The following NRXN1 variants were observed in gnomAD, a reference collection of about 807,000 sequenced individuals.
NRXN1 encodes the protein neurexin-1.
NRXN1 carries 39 observed loss-of-function variants against 150.9 expected under a neutral mutation model. The observed-to-expected ratio is 0.26, with a 90% CI of 0.20 to 0.34. NRXN1 has a LOEUF of 0.34. Ranked by LOEUF, NRXN1 falls within the 10% of genes least tolerant of loss-of-function variation. NRXN1 has a pLI of 1.00. For missense variants in NRXN1, 1,815 were observed against 1,949.9 expected, an observed-to-expected ratio of 0.93 and a Z score of 1.30; for synonymous variants, 924 against 757.0, an observed-to-expected ratio of 1.22 and a Z score of -3.62.
intron 18 of NRXN1, among the ~76,000 whole-genome samples, chr2:50,149,914 C>A (rs540074975): frequency 6.6e-6 from 1 of 151,822 alleles, no homozygotes; most frequent in South Asian, 2.1e-4. Context: ...ATTTAACTCA[C>A]TGCCTGTATG....
At chr2:50,349,710 T>A (rs2078276685) in intron 17 of NRXN1, among the ~76,000 whole-genome samples, 1 of 152,200 alleles carries the variant, frequency 6.6e-6, no homozygotes, top group Admixed American at 6.5e-5. Context: ...AATGTTGGTG[T>A]TCTTTAAAAT....
At chr2:51,022,496 TTTA>T (rs1432607100) in intron 2 of NRXN1, among the ~76,000 whole-genome samples, 2 of 152,184 alleles carry the variant, frequency 1.3e-5, no homozygotes, top group Non-Finnish European at 2.9e-5. Flanking sequence ...TAACTCAGTT[TTTA>T]TTATTACCTC....
intron 17 of NRXN1, among the ~76,000 whole-genome samples, chr2:50,379,739 C>T (rs1436351102): frequency 6.6e-6 from 1 of 152,058 alleles, no homozygotes; most frequent in Non-Finnish European, 1.5e-5. Context: ...AGGAAATCTC[C>T]ACAAACAGTG....
chr2:50,135,564 G>A (rs62132540), intron 18 of NRXN1, among the ~76,000 whole-genome samples: 772 of 152,216 alleles, frequency 5.1e-3, no homozygotes, highest in African/African-American at 6.5e-3. Flanking sequence ...GGTGGCGGGC[G>A]CCTGTAGACC....
chr2:50,951,963 A>ATATTTTTTTTTT (rs1387961788), intron 2 of NRXN1, among the ~76,000 whole-genome samples: 1 of 74,822 alleles, frequency 1.3e-5, no homozygotes, highest in African/African-American at 5.6e-5. Context: ...ATATATATAT[A>ATATTTTTTTTTT]TTTTTTTTTT....
Position 50,982,600 on chromosome 2 carries a change from A to C in NRXN1, c.772+44902T>G, listed in dbSNP as rs896950261. Reference sequence around the variant, plus strand: ...TGAACTTCATCTTTCAGATACAACTAGAAGCATTTTTAACCCAAAGTTATC... The same window carrying C: ...TGAACTTCATCTTTCAGATACAACTCGAAGCATTTTTAACCCAAAGTTATC... On this transcript the variant is annotated intron_variant, in intron 2 of 22. Transcript: ENST00000401669. 4.6e-5 allele frequency among the ~76,000 whole-genome samples: 7 copies of C among 152,148 alleles called. No individual in the cohort carries two copies. The East Asian group carries it at 1.3e-3, about 29-fold the overall frequency.
chr2:50,697,427 A>C (rs1252316256), intron 5 of NRXN1, among the ~76,000 whole-genome samples: 1 of 152,242 alleles, frequency 6.6e-6, no homozygotes, highest in Non-Finnish European at 1.5e-5. Context: ...TTTCAAAGTG[A>C]AACTTGACAA....
chr2:50,547,054 T>C (rs2093510190), intron 9 of NRXN1, among the ~76,000 whole-genome samples: 1 of 152,218 alleles, frequency 6.6e-6, no homozygotes, highest in South Asian at 2.1e-4. Context: ...CATCAAACAG[T>C]GATTACTATA....
At position 50,347,491 on chromosome 2, in the gene NRXN1, C is replaced by A; in HGVS notation, c.3365-110521G>T. 1 of 1,075,266 alleles carries A rather than the reference C, an allele frequency of 9.3e-7. No individual in the cohort carries two copies. Among genetic ancestry groups the A allele is most frequent in the Non-Finnish European group, 1.1e-6 (1 of 882,880 alleles). 66.6% of individuals were successfully genotyped at this position (1,075,266 alleles called of 1,614,324 possible). A position where few individuals can be genotyped will look rare whatever the true frequency, so the allele number is the denominator to read the frequency against. On this transcript the variant is annotated intron_variant, in intron 17 of 22. Transcript: ENST00000401669. This position sits in a 1 kb window ranked among gnomAD's most constrained non-coding sequence, Gnocchi z 4.9. ...CAGACCCCATGGAATCCAGGCGCCC[C>A]TTCCCTCCATTCAGCCCCGGCCGGC... is the stretch of plus-strand genomic sequence containing the variant.
At position 50,983,550 on chromosome 2, in the gene NRXN1, G is replaced by A. The variant is rs566364146; in HGVS notation, c.772+43952C>T. 3.3e-5 allele frequency among the ~76,000 whole-genome samples: 5 copies of A among 152,158 alleles called. No individual in the cohort carries two copies. In the South Asian group the frequency reaches 1.0e-3, roughly 32 times the overall value. On this transcript the variant is annotated intron_variant, in intron 2 of 22. Coordinates refer to ENST00000401669, the MANE Select transcript of NRXN1 (RefSeq NM_001330078.2). ...TATACTAGGGATCTCTTCAAACACAGGACAGTTAACAAATTGTCAGTAACT... is the reference window on the plus strand; with the variant it reads ...TATACTAGGGATCTCTTCAAACACAAGACAGTTAACAAATTGTCAGTAACT...
chr2:50,613,019 G>A (rs1337975253), intron 8 of NRXN1, among the ~76,000 whole-genome samples: 2 of 152,070 alleles, frequency 1.3e-5, no homozygotes, highest in African/African-American at 4.8e-5. Flanking sequence ...ACTAGGCTGG[G>A]CCTATAACAA....
intron 2 of NRXN1, among the ~76,000 whole-genome samples, chr2:50,995,753 G>C (rs1699184457): frequency 6.6e-6 from 1 of 151,992 alleles, no homozygotes; most frequent in East Asian, 1.9e-4. Context: ...AATGCAACTG[G>C]AGACAAGTCT....
intron 19 of NRXN1, among the ~76,000 whole-genome samples, chr2:50,067,985 T>C (rs1695615908): frequency 6.6e-6 from 1 of 152,216 alleles, no homozygotes; most frequent in South Asian, 2.1e-4. Flanking sequence ...GTCTTCTTAA[T>C]ATTCAAATTG....
intron 18 of NRXN1, among the ~76,000 whole-genome samples, chr2:50,118,174 G>A (rs1703334714): frequency 6.6e-6 from 1 of 152,160 alleles, no homozygotes; most frequent in Admixed American, 6.6e-5. Flanking sequence ...AGGATTGTAA[G>A]GAAGAAATTC....
intron 5 of NRXN1, among the ~76,000 whole-genome samples, chr2:50,903,399 C>T (rs1322083571): frequency 6.6e-6 from 1 of 152,134 alleles, no homozygotes; most frequent in African/African-American, 2.4e-5. Context: ...TAAAGCTTTG[C>T]ATAATAACTG....
intron 17 of NRXN1, among the ~76,000 whole-genome samples, chr2:50,384,244 T>C (rs1486198019): frequency 1.3e-5 from 2 of 152,102 alleles, no homozygotes; most frequent in Non-Finnish European, 2.9e-5. Flanking sequence ...CGGTGGCTCA[T>C]GCCTGTAATC....
intron 17 of NRXN1, among the ~76,000 whole-genome samples, chr2:50,383,204 A>G (rs1159222131): frequency 6.6e-6 from 1 of 152,180 alleles, no homozygotes. Flanking sequence ...TCAGCAGAGT[A>G]CAACTAGGAC....
intron 18 of NRXN1, among the ~76,000 whole-genome samples, chr2:50,107,520 C>CACATAT (rs1701822115): frequency 7.3e-6 from 1 of 136,070 alleles, no homozygotes; most frequent in South Asian, 2.3e-4. Flanking sequence ...TTCCAGACTA[C>CACATAT]ATATATATAT....
At chr2:50,567,552 TA>T (rs1167917338) in intron 8 of NRXN1, among the ~76,000 whole-genome samples, 18 of 147,902 alleles carry the variant, frequency 1.2e-4, no homozygotes, top group African/African-American at 4.6e-4. Flanking sequence ...ATGAACAAGG[TA>T]TTCAAATTTT....
Sources: gnomAD v4.1 joint callset for allele counts (sites outside exome capture counted in the v4.1 genomes callset) on GRCh38, gnomAD v4.1.1 for gene constraint, Gnocchi (gnomAD v3.1) non-coding constraint, MANE v1.5 for transcripts, NCBI Gene and HGNC (gene_info 2026-07-23, HGNC 2026-07-21) for gene names.